Variants in CALHM4 observed in about 807,000 individuals in gnomAD.
The protein encoded by CALHM4 is calcium homeostasis modulator protein 4.
CALHM4 carries 16 observed loss-of-function variants against 13.3 expected under a neutral mutation model. That is an observed-to-expected ratio of 1.20 (90% CI 0.81 to 1.82). The LOEUF is 1.82. Ranked by LOEUF, CALHM4 falls within the 40% of genes most tolerant of loss-of-function variation. The pLI, the probability that CALHM4 is intolerant of heterozygous loss-of-function variation, is 0.00. For missense variants in CALHM4, 344 were observed against 374.9 expected (o/e 0.92, Z 0.68); for synonymous variants, 127 against 137.1 (o/e 0.93, Z 0.52).
chr6:116,544,416 T>C (rs1468868793), intron 2 of CALHM4, among the ~76,000 whole-genome samples: 1 of 152,110 alleles, frequency 6.6e-6, no homozygotes, highest in Non-Finnish European at 1.5e-5. Flanking sequence ...AGGCCAGCTT[T>C]CTCTATTCTG....
At chr6:116,545,514 T>C (rs932991815) in intron 2 of CALHM4, 2 of 1,547,342 alleles carry the variant, frequency 1.3e-6, no homozygotes, top group African/African-American at 1.4e-5. Context: ...GGGCGAGACA[T>C]AGTGCTTGAT....
chr6:116,550,242 G>A (rs189994800), upstream of CALHM4, among the ~76,000 whole-genome samples: 67 of 151,858 alleles, frequency 4.4e-4, no homozygotes, highest in South Asian at 1.2e-3. Context: ...TTCAAGCATT[G>A]TGTGTGGTAT....
upstream of CALHM4, among the ~76,000 whole-genome samples, chr6:116,549,346 T>A (rs1773945487): frequency 6.6e-6 from 1 of 152,148 alleles, no homozygotes; most frequent in African/African-American, 2.4e-5. Context: ...AGATGTGGCA[T>A]TTACTATTGA....
chr6:116,540,410 C>T (rs1583295085), intron 1 of CALHM4: 3 of 1,551,202 alleles, frequency 1.9e-6, no homozygotes, highest in Admixed American at 3.9e-5. Context: ...CATCTTCCCA[C>T]GCAGGATCGA....
rs1450629158 is a variant in CALHM4 at position 116,532,848 on chromosome 6, T to C, written c.-109+3658T>C. Among the ~76,000 whole-genome samples, 6 of 152,374 alleles carry C rather than the reference T, an allele frequency of 3.9e-5. No homozygotes were observed. The East Asian group carries it at 7.7e-4, about 20-fold the overall frequency. On this transcript the variant is annotated intron_variant, in intron 1 of 2. Transcript: ENST00000368597. Reference sequence around the variant, plus strand: ...AAGGTAGGTTAAGTAAGGTTAATCATGGGTTCCCTTACCTTTACAAAGTTG... The same window carrying C: ...AAGGTAGGTTAAGTAAGGTTAATCACGGGTTCCCTTACCTTTACAAAGTTG...
chr6:116,532,350 G>A (rs1229946122), intron 1 of CALHM4, among the ~76,000 whole-genome samples: 1 of 152,176 alleles, frequency 6.6e-6, no homozygotes, highest in African/African-American at 2.4e-5. Flanking sequence ...ATCCTTCCGC[G>A]TCTTGCCTCC....
intron 2 of CALHM4, among the ~76,000 whole-genome samples, chr6:116,544,601 T>G (rs138635810): frequency 2.2e-4 from 33 of 152,234 alleles, no homozygotes; most frequent in African/African-American, 7.2e-4. Context: ...TATGAATGTA[T>G]CAGGATAAAA....
intron 2 of CALHM4, among the ~76,000 whole-genome samples, chr6:116,544,066 G>T (rs1773620644): frequency 6.6e-6 from 1 of 151,030 alleles, no homozygotes; most frequent in Non-Finnish European, 1.5e-5. Flanking sequence ...TCAATGAAAA[G>T]TCTGCTCAAC....
intron 1 of CALHM4, 29 bp downstream of exon 1, chr6:116,554,380 C>T (rs2115290857): frequency 6.8e-7 from 1 of 1,468,214 alleles, no homozygotes; most frequent in Non-Finnish European, 9.0e-7. Flanking sequence ...TTTCCCTCTG[C>T]TATGTTATCC....
chr6:116,531,846 T>C (rs1772744726), intron 1 of CALHM4, among the ~76,000 whole-genome samples: 1 of 150,080 alleles, frequency 6.7e-6, no homozygotes, highest in Admixed American at 6.7e-5. Flanking sequence ...ATAATAAATA[T>C]ACAATTTAAT....
chr6:116,545,181 G>T (rs1679081292), intron 2 of CALHM4, among the ~76,000 whole-genome samples: 2 of 151,048 alleles, frequency 1.3e-5, no homozygotes, highest in Admixed American at 1.3e-4. Context: ...GTATGAAATA[G>T]AAAAAATTGC....
chr6:116,537,695 G>A (rs1773186192), intron 1 of CALHM4, among the ~76,000 whole-genome samples: 1 of 152,132 alleles, frequency 6.6e-6, no homozygotes, highest in Non-Finnish European at 1.5e-5. Flanking sequence ...AATGCATTGG[G>A]CAAGGTGAGG....
intron 1 of CALHM4, among the ~76,000 whole-genome samples, chr6:116,530,532 A>ATT (rs1344381911): frequency 6.6e-6 from 1 of 152,036 alleles, no homozygotes; most frequent in Non-Finnish European, 1.5e-5. Flanking sequence ...GCACAACATC[A>ATT]TTTTTCTTTG....
chr6:116,551,068 TG>T (rs776895757), upstream of CALHM4, among the ~76,000 whole-genome samples: 4 of 152,242 alleles, frequency 2.6e-5, no homozygotes, highest in Non-Finnish European at 4.4e-5. Context: ...GTGTTTTCCC[TG>T]CCCTGCCTTG....
chr6:116,531,041 C>T (rs548555818), intron 1 of CALHM4, among the ~76,000 whole-genome samples: 88 of 151,212 alleles, frequency 5.8e-4, no homozygotes, highest in Middle Eastern at 3.4e-3. Flanking sequence ...AGATTCCCTT[C>T]CTGAGGGGCT....
At chr6:116,540,450 A>G (rs1159253193) in intron 1 of CALHM4, 1 of 1,551,340 alleles carries the variant, frequency 6.4e-7, no homozygotes, top group Admixed American at 2.0e-5. Context: ...GCCGCGTTCC[A>G]ATGCCGTAAC....
chr6:116,538,343 C>G (rs1369036086), intron 1 of CALHM4, among the ~76,000 whole-genome samples: 1 of 152,236 alleles, frequency 6.6e-6, no homozygotes, highest in Non-Finnish European at 1.5e-5. Flanking sequence ...ATCTCTGACC[C>G]TACATCGTGT....
At chr6:116,530,222 C>T (rs550305733) in intron 1 of CALHM4, among the ~76,000 whole-genome samples, 5 of 152,110 alleles carry the variant, frequency 3.3e-5, no homozygotes, top group Non-Finnish European at 7.4e-5. Flanking sequence ...AACCACCCCC[C>T]CTCCTTTTTA....
At chr6:116,538,396 G>A (rs1158824227) in intron 1 of CALHM4, among the ~76,000 whole-genome samples, 2 of 152,162 alleles carry the variant, frequency 1.3e-5, no homozygotes, top group African/African-American at 4.8e-5. Context: ...GGTTGTATAT[G>A]CCTCTACTTC....
Sources: allele counts gnomAD v4.1 joint callset (sites outside exome capture counted in the v4.1 genomes callset), GRCh38; gene constraint gnomAD v4.1.1; transcripts MANE v1.5; gene names NCBI Gene and HGNC (gene_info 2026-07-23, HGNC 2026-07-21).